CELF5: variants seen among roughly 807,000 people sequenced by gnomAD.
CELF5 encodes CUG-BP and ETR-3 like factor 5.
A neutral mutation model predicts 54.9 loss-of-function variants in CELF5; 6 were observed. That is an observed-to-expected ratio of 0.11 (90% CI 0.06 to 0.22). The LOEUF is 0.22. Among genes scored for constraint, CELF5 ranks in the 10% least tolerant of loss-of-function variants. CELF5 has a pLI of 1.00. For missense variants in CELF5, 401 were observed against 678.6 expected (o/e 0.59, Z 4.54); for synonymous variants, 271 against 290.9 (o/e 0.93, Z 0.70).
chr19:3,248,299 G>A (rs1313856863), intron 1 of CELF5, among the ~76,000 whole-genome samples: 1 of 152,048 alleles, frequency 6.6e-6, no homozygotes, highest in African/African-American at 2.4e-5. Context: ...GGGATGACAG[G>A]CGAGAGTCAC....
rs754668684 is a variant in CELF5, at chr19:3,284,893, T to G, written c.1040-9T>G. The G allele has an allele frequency of 1.2e-6, 2 of 1,612,194 alleles. No homozygotes were observed. The highest frequency in any genetic ancestry group is 2.2e-5 in the East Asian group (1 of 44,794). ...TCCCGCCCCACTCAGCCCCTCTGTC[T>G]GCCCGCAGCTCAGAGCCCGACTGTG... On this transcript the variant is annotated splice_polypyrimidine_tract_variant and intron_variant, in intron 8 of 12. Coordinates refer to ENST00000292672, the MANE Select transcript of CELF5 (RefSeq NM_021938.4).
intron 1 of CELF5, among the ~76,000 whole-genome samples, chr19:3,231,296 AGATG>A (rs1471893963): frequency 6.6e-6 from 1 of 152,182 alleles, no homozygotes; most frequent in Non-Finnish European, 1.5e-5. Flanking sequence ...GCTGGCTAAC[AGATG>A]GATGGAGAGA....
intron 2 of CELF5, among the ~76,000 whole-genome samples, chr19:3,269,320 C>T (rs1294258563): frequency 2.0e-5 from 3 of 152,102 alleles, no homozygotes; most frequent in South Asian, 2.1e-4. Context: ...GGATTACAGG[C>T]GTGCACTACC....
intron 1 of CELF5, among the ~76,000 whole-genome samples, chr19:3,243,734 G>A (rs2079523982): frequency 6.6e-6 from 1 of 152,124 alleles, no homozygotes; most frequent in Non-Finnish European, 1.5e-5. Flanking sequence ...TCGAAATCAA[G>A]GTGTTGGCAG....
intron 1 of CELF5, among the ~76,000 whole-genome samples, chr19:3,241,357 A>T (rs1407910797): frequency 6.6e-6 from 1 of 151,930 alleles, no homozygotes. Flanking sequence ...CTGGGATTAC[A>T]GGTGTGAGCC....
intron 5 of CELF5, among the ~76,000 whole-genome samples, chr19:3,280,376 G>A (rs2080128417): frequency 6.6e-6 from 1 of 151,764 alleles, no homozygotes; most frequent in South Asian, 2.1e-4. Flanking sequence ...TTAGAGACCA[G>A]CCTGGCCAAC....
chr19:3,263,549 A>G (rs535380364), intron 2 of CELF5, among the ~76,000 whole-genome samples: 108 of 151,608 alleles, frequency 7.1e-4, no homozygotes, highest in African/African-American at 2.4e-3. Context: ...CGACAGAACA[A>G]GACACTGTTT....
Position 3,255,277 on chromosome 19 carries a change from C to T in CELF5, c.342+4210C>T, listed in dbSNP as rs185983847. On this transcript the variant is annotated intron_variant, in intron 2 of 12. Transcript: ENST00000292672. ...TCAGCTCACTGCAACTTCTGCCTCG[C>T]GGGTTCAAGTGATTCTCCTGCCTCA... Among the ~76,000 whole-genome samples, 849 of 152,250 alleles carry T rather than the reference C, an allele frequency of 5.6e-3. 12 individuals are homozygous for T. Among genetic ancestry groups the T allele is most frequent in the African/African-American group, 0.019 (784 of 41,540 alleles).
intron 2 of CELF5, among the ~76,000 whole-genome samples, chr19:3,257,728 G>A (rs1292946102): frequency 4.6e-5 from 7 of 151,414 alleles, no homozygotes; most frequent in African/African-American, 1.7e-4. Flanking sequence ...CGCCTGCCTC[G>A]GACTCCCAAA....
At chr19:3,252,462 T>A (rs765092192) in intron 2 of CELF5, among the ~76,000 whole-genome samples, 3 of 152,144 alleles carry the variant, frequency 2.0e-5, no homozygotes, top group Non-Finnish European at 4.4e-5. Flanking sequence ...TGATGGAGAC[T>A]GAAGGAACCA....
chr19:3,263,022 G>A (rs919574238), intron 2 of CELF5, among the ~76,000 whole-genome samples: 1 of 151,142 alleles, frequency 6.6e-6, no homozygotes, highest in Non-Finnish European at 1.5e-5. Context: ...GAGGTGGGCA[G>A]ATCACCTGAG....
intron 2 of CELF5, among the ~76,000 whole-genome samples, chr19:3,256,982 A>G (rs553808999): frequency 1.3e-5 from 2 of 151,836 alleles, no homozygotes; most frequent in Admixed American, 1.3e-4. Flanking sequence ...TAATTTTTAA[A>G]CTTTTTGCAG....
At chr19:3,277,892 T>G (rs1243421501) in intron 4 of CELF5, 139 bp from the exon 5 acceptor site, 2 of 655,746 alleles carry the variant, frequency 3.0e-6, no homozygotes, top group African/African-American at 3.6e-5. Context: ...CGGCTGGCTG[T>G]CTTTCTGTTA....
rs968296798 is a variant in CELF5 at position 3,278,492 on chromosome 19, C to T, written c.603+382C>T. 5.9e-5 allele frequency among the ~76,000 whole-genome samples: 9 copies of T among 151,292 alleles called. No homozygotes were observed. Among genetic ancestry groups the T allele is most frequent in the South Asian group, 2.1e-4 (1 of 4,780 alleles). On this transcript the variant is annotated intron_variant, in intron 5 of 12. Transcript: ENST00000292672. The surrounding 1 kb of genome is among the most constrained non-coding windows in gnomAD (Gnocchi z 4.5). ...GAGTGTTATGTGAGTGCTGTGTGCA[C>T]GAGGGGTGTGCGTAAATATGTATGG...
intron 1 of CELF5, among the ~76,000 whole-genome samples, chr19:3,250,688 T>C (rs561863697): frequency 6.6e-6 from 1 of 152,284 alleles, no homozygotes; most frequent in South Asian, 2.1e-4. Context: ...TGTGTGAATC[T>C]GATGACTCTA....
At chr19:3,242,897 G>C (rs2041221537) in intron 1 of CELF5, among the ~76,000 whole-genome samples, 1 of 152,128 alleles carries the variant, frequency 6.6e-6, no homozygotes, top group African/African-American at 2.4e-5. Context: ...CTGGGAGGTG[G>C]AGGTTGCAGT....
rs1369282006 is a variant in CELF5, at chr19:3,224,847, C to T, written c.108C>T (p.Pro36=). Residue 36 remains proline, a synonymous_variant, in exon 1 of 13, where the codon CCC becomes CCT. Transcript: ENST00000292672. ...GGCCCGAGCCCCCCGGGGGGCAGCC[C>T]GACGGCATGAAGGACCTGGACGCCA... ...SSGPEPPGGQ[P]DGMKDLDAIK... is the part of the protein sequence containing the mutation. The T allele has an allele frequency of 1.9e-6, 3 of 1,598,520 alleles. No homozygotes were observed. In the Admixed American group the frequency reaches 5.2e-5, roughly 28 times the overall value.
At chr19:3,230,751 G>A (rs927379773) in intron 1 of CELF5, among the ~76,000 whole-genome samples, 7 of 152,008 alleles carry the variant, frequency 4.6e-5, no homozygotes, top group East Asian at 1.9e-4. Flanking sequence ...AAATATGCTC[G>A]TTTCCTTCAC....
chr19:3,252,427 A>T (rs547858992), intron 2 of CELF5, among the ~76,000 whole-genome samples: 5 of 152,120 alleles, frequency 3.3e-5, no homozygotes, highest in African/African-American at 1.2e-4. Context: ...GAGCCAGTCA[A>T]TCCGGGTCCC....
Sources: allele counts gnomAD v4.1 joint callset (sites outside exome capture counted in the v4.1 genomes callset), GRCh38; gene constraint gnomAD v4.1.1; non-coding constraint Gnocchi (gnomAD v3.1); transcripts MANE v1.5; gene names NCBI Gene and HGNC (gene_info 2026-07-23, HGNC 2026-07-21).